LAMA4: variants seen among roughly 807,000 people sequenced by gnomAD.
LAMA4 encodes laminin subunit alpha-4.
In LAMA4, 127 loss-of-function variants were observed where a neutral mutation model predicts 207.1. The ratio of observed to expected loss-of-function variants is 0.61; its 90% CI spans 0.53 to 0.71. The LOEUF (loss-of-function observed/expected upper bound fraction) is 0.71. Ranked by LOEUF, LAMA4 falls within the 30% of genes least tolerant of loss-of-function variation. The pLI is 0.00. For missense variants in LAMA4, 2,093 were observed against 2,246.5 expected (o/e 0.93, Z 1.38); for synonymous variants, 761 against 816.0 (o/e 0.93, Z 1.15).
In LAMA4 at chr6:112,185,243, A is replaced by G. The variant is rs1782614040; in HGVS notation, c.1071T>C (p.Val357=). 1 of 1,595,086 alleles carries G rather than the reference A, an allele frequency of 6.3e-7. No individual in the cohort carries two copies. Among genetic ancestry groups the G allele is most frequent in the African/African-American group, 1.3e-5 (1 of 74,486 alleles). ...TGAATACATACATACGTACCTTTTC[A>G]ACTAATTCCTCTACGTCAGACAGAA... ...KSLLSDVEEL[V]EKENQASRKG... Residue 357 remains valine, a synonymous_variant, in exon 9 of 39, where the codon GTT becomes GTC. Coordinates refer to ENST00000230538, the MANE Select transcript of LAMA4 (RefSeq NM_001105206.3).
intron 10 of LAMA4, among the ~76,000 whole-genome samples, chr6:112,177,058 G>A (rs1320660367): frequency 1.3e-5 from 2 of 152,174 alleles, no homozygotes; most frequent in Non-Finnish European, 2.9e-5. Flanking sequence ...ATAAGGTCAT[G>A]TTATCTTCTA....
Position 112,205,512 on chromosome 6 carries a change from G to A in LAMA4, c.422+1509C>T, listed in dbSNP as rs1784009012. On this transcript the variant is annotated intron_variant, in intron 4 of 38. Coordinates refer to ENST00000230538, the MANE Select transcript of LAMA4 (RefSeq NM_001105206.3). ...TTCTGAGATCACACAGGTATTATGTGTCCAAATTTGAATATGAACCTAGAT... is the reference window on the plus strand; with the variant it reads ...TTCTGAGATCACACAGGTATTATGTATCCAAATTTGAATATGAACCTAGAT... 3.3e-5 allele frequency among the ~76,000 whole-genome samples: 5 copies of A among 152,116 alleles called. No homozygotes were observed. In the South Asian group the frequency reaches 1.0e-3, roughly 32 times the overall value.
intron 2 of LAMA4, among the ~76,000 whole-genome samples, chr6:112,240,767 A>G (rs1786361593): frequency 6.6e-6 from 1 of 152,136 alleles, no homozygotes; most frequent in East Asian, 1.9e-4. Context: ...TATATGTACC[A>G]CATTTTCTTT....
At chr6:112,167,709 C>T (rs934468572) in intron 12 of LAMA4, among the ~76,000 whole-genome samples, 1 of 152,072 alleles carries the variant, frequency 6.6e-6, no homozygotes, top group Non-Finnish European at 1.5e-5. Flanking sequence ...ATTTGTCCAT[C>T]CATCTGTTCA....
intron 2 of LAMA4, among the ~76,000 whole-genome samples, chr6:112,227,430 AAG>A (rs201092011): frequency 0.011 from 1,706 of 152,284 alleles, 28 homozygotes; most frequent in African/African-American, 0.039. Flanking sequence ...GAATGAAAGA[AAG>A]AGGAAAAGGA....
Position 112,117,051 on chromosome 6 carries a change from G to A in LAMA4, c.4981+688C>T, listed in dbSNP as rs950189014. On this transcript the variant is annotated intron_variant, in intron 35 of 38. Coordinates refer to ENST00000230538, the MANE Select transcript of LAMA4 (RefSeq NM_001105206.3). The surrounding 1 kb of genome is among the most constrained non-coding windows in gnomAD (Gnocchi z 4.5). ...TGCAAAGTACCTAAGTGCCTTGAGAGGAGGGAACATGCAGCTTTATACCCT... is the reference window on the plus strand; with the variant it reads ...TGCAAAGTACCTAAGTGCCTTGAGAAGAGGGAACATGCAGCTTTATACCCT... Among the ~76,000 whole-genome samples, 2 of 152,174 alleles carry A rather than the reference G, an allele frequency of 1.3e-5. No homozygotes were observed. The highest frequency in any genetic ancestry group is 4.8e-5 in the African/African-American group (2 of 41,444).
At chr6:112,176,424 A>G (rs1782029315) in intron 10 of LAMA4, among the ~76,000 whole-genome samples, 1 of 152,220 alleles carries the variant, frequency 6.6e-6, no homozygotes. Flanking sequence ...AGATGGGTAA[A>G]CAAACATTGG....
chr6:112,253,787 C>T, intron 2 of LAMA4, 169 bp downstream of exon 2: 2 of 1,614,194 alleles, frequency 1.2e-6, no homozygotes, highest in Middle Eastern at 1.6e-4. Flanking sequence ...CCAAATGCAA[C>T]TTACAAAGGA....
At chr6:112,114,792 G>A in intron 36 of LAMA4, 36 bp from the exon 37 acceptor site, 1 of 1,396,874 alleles carries the variant, frequency 7.2e-7, no homozygotes, top group Non-Finnish European at 1.0e-6. Flanking sequence ...GATTTAGTTT[G>A]TCCTCATTGT....
At chr6:112,226,257 C>A (rs1181507176) in intron 2 of LAMA4, among the ~76,000 whole-genome samples, 1 of 152,198 alleles carries the variant, frequency 6.6e-6, no homozygotes, top group Non-Finnish European at 1.5e-5. Context: ...GCTCTTCATT[C>A]ATTACCTACA....
Position 112,139,200 on chromosome 6 carries a change from T to C in LAMA4, c.3202A>G (p.Lys1068Glu). The C allele has an allele frequency of 1.9e-6, 3 of 1,614,126 alleles. No individual in the cohort carries two copies. The highest frequency in any genetic ancestry group is 2.5e-6 in the Non-Finnish European group (3 of 1,180,008). ...TCAAAGCGAGTCACCTGACCAAATT[T>C]CCCTCTCCTTGTGATGTCTCTCACC... ...AVVRDITRRG[K>E]FGQVTRFDIE... The change falls in exon 24 of 39, where the codon AAA (lysine) becomes GAA (glutamate). Residue 1068 changes from lysine to glutamate, a missense_variant. Lys to Glu is a moderately conservative substitution (Grantham distance 56). This residue lies in a region of LAMA4 where 1,704 missense variants were observed against 1,788.4 expected (regional missense o/e 0.95). Coordinates refer to ENST00000230538, the MANE Select transcript of LAMA4 (RefSeq NM_001105206.3).
intron 10 of LAMA4, among the ~76,000 whole-genome samples, chr6:112,177,513 C>T (rs1437592341): frequency 6.6e-6 from 1 of 152,174 alleles, no homozygotes; most frequent in Non-Finnish European, 1.5e-5. Context: ...TATTAGTGCA[C>T]TATTAAAATA....
chr6:112,218,873 G>C (rs1215734886), intron 2 of LAMA4: 1 of 152,298 alleles, frequency 6.6e-6, no homozygotes, highest in African/African-American at 2.4e-5. Flanking sequence ...CTACGTTCCT[G>C]CTGGGCCTTG....
chr6:112,114,736 A>G lies in LAMA4; in HGVS notation c.5133T>C (p.Asn1711=), dbSNP rs1554322929. ...KNGQVIVKVN[N]GIRDFSTSVT... ...CTGAGGTGGAAAAATCTCTGATGCC[A>G]TTATTGACTTTCACTATGACCTGCA... The change falls in exon 37 of 39, where the codon AAT becomes AAC. Residue 1711 remains asparagine, a synonymous_variant. Coordinates refer to ENST00000230538, the MANE Select transcript of LAMA4 (RefSeq NM_001105206.3). 5.0e-6 allele frequency: 8 copies of G among 1,611,618 alleles called. No individual in the cohort carries two copies. Among genetic ancestry groups the G allele is most frequent in the Non-Finnish European group, 6.8e-6 (8 of 1,177,866 alleles).
intron 11 of LAMA4, among the ~76,000 whole-genome samples, chr6:112,173,846 C>T (rs539522995): frequency 1.3e-5 from 2 of 152,098 alleles, no homozygotes; most frequent in Non-Finnish European, 2.9e-5. Flanking sequence ...TCTAATGAAG[C>T]CTTCAGACTG....
intron 2 of LAMA4, among the ~76,000 whole-genome samples, chr6:112,221,584 C>T (rs138485374): frequency 7.2e-5 from 11 of 152,286 alleles, no homozygotes; most frequent in African/African-American, 2.2e-4. Context: ...TTTGATGAAT[C>T]CACTTTTCTC....
intron 36 of LAMA4, 23 bp from the exon 37 acceptor site, chr6:112,114,779 T>C: frequency 2.7e-6 from 4 of 1,495,922 alleles, no homozygotes; most frequent in Non-Finnish European, 3.7e-6. Flanking sequence ...GGACACATTG[T>C]ATGATTTAGT....
rs1415947563 is a variant in LAMA4, at chr6:112,117,518, G to C, written c.4981+221C>G. Among the ~76,000 whole-genome samples, 3 of 152,104 alleles carry C rather than the reference G, an allele frequency of 2.0e-5. No individual in the cohort carries two copies. Among genetic ancestry groups the C allele is most frequent in the African/African-American group, 7.2e-5 (3 of 41,410 alleles). Reference sequence around the variant, plus strand: ...CCAGGTGGTCTTCATCCAGAAGTTTGGCAGCTGTGGAGAAGCCTGGTCAGG... The same window carrying C: ...CCAGGTGGTCTTCATCCAGAAGTTTCGCAGCTGTGGAGAAGCCTGGTCAGG... On this transcript the variant is annotated intron_variant, in intron 35 of 38. Transcript: ENST00000230538. The surrounding 1 kb of genome is among the most constrained non-coding windows in gnomAD (Gnocchi z 4.5).
rs141010965 is a variant in LAMA4, at chr6:112,206,953, A to AAAACAAAACG, written c.422+67_422+68insCGTTTTGTTT. On this transcript the variant is annotated intron_variant, in intron 4 of 38. Transcript: ENST00000230538. ...TCAGAACTCTGGGATAAGGCAAAAC[A>AAAACAAAACG]AAACAAAACAAAACAAAACAATACA... 0.01 allele frequency: 16,674 copies of AAAACAAAACG among 1,591,954 alleles called. 1,321 individuals carry two copies. In the African/African-American group the frequency reaches 0.19, roughly 18 times the overall value.
Sources: allele counts gnomAD v4.1 joint callset (sites outside exome capture counted in the v4.1 genomes callset), GRCh38; gene constraint gnomAD v4.1.1; regional missense constraint gnomAD v4.1.1; non-coding constraint Gnocchi (gnomAD v3.1); transcripts MANE v1.5; gene names NCBI Gene and HGNC (gene_info 2026-07-23, HGNC 2026-07-21).